The following NBEA variants were observed in gnomAD, a reference collection of about 807,000 sequenced individuals.
The protein encoded by NBEA is neurobeachin, also known as lysosomal-trafficking regulator 2.
NBEA carries 44 observed loss-of-function variants against 343.4 expected under a neutral mutation model. That is an observed-to-expected ratio of 0.13 (90% CI 0.10 to 0.16). The LOEUF is 0.16. NBEA is among the 10% of genes least tolerant of loss of function. NBEA has a pLI of 1.00. For synonymous variants in NBEA, 1,175 were observed against 1,238.7 expected (o/e 0.95, Z 1.08); for missense variants, 2,555 against 3,631.3 (o/e 0.70, Z 7.62).
chr13:35,146,878 G>A (rs2068461539), intron 18 of NBEA, among the ~76,000 whole-genome samples: 1 of 152,086 alleles, frequency 6.6e-6, no homozygotes, highest in African/African-American at 2.4e-5. Flanking sequence ...AGGCATTTGG[G>A]ATCCCAAAGC....
intron 51 of NBEA, among the ~76,000 whole-genome samples, chr13:35,648,690 C>T (rs966671280): frequency 1.3e-5 from 2 of 152,128 alleles, no homozygotes; most frequent in Non-Finnish European, 2.9e-5. Context: ...TTATTTCCAG[C>T]CTCCCTACTT....
chr13:35,589,059 ATAT>A (rs1178072690), intron 46 of NBEA, among the ~76,000 whole-genome samples: 1 of 152,134 alleles, frequency 6.6e-6, no homozygotes, highest in African/African-American at 2.4e-5. Context: ...ACTGAATAAA[ATAT>A]TGTTGTTTAT....
In NBEA at chr13:34,986,561, C is replaced by T. The variant is rs531800147; in HGVS notation, c.294+43447C>T. 2.1e-4 allele frequency among the ~76,000 whole-genome samples: 32 copies of T among 150,896 alleles called. 1 individual carries two copies. The highest frequency in any genetic ancestry group is 3.4e-3 in the Middle Eastern group (1 of 294). On this transcript the variant is annotated intron_variant, in intron 1 of 58. Transcript: ENST00000379939. Reference sequence around the variant, plus strand: ...AGATGTCTATTAGGTCTGCTTGGTGCAGAGCTGAGTTCAAGTTCTGGATAT... The same window carrying T: ...AGATGTCTATTAGGTCTGCTTGGTGTAGAGCTGAGTTCAAGTTCTGGATAT...
At chr13:35,330,198 C>A (rs1375920337) in intron 36 of NBEA, among the ~76,000 whole-genome samples, 1 of 151,950 alleles carries the variant, frequency 6.6e-6, no homozygotes, top group Non-Finnish European at 1.5e-5. Flanking sequence ...GCTAATTGTG[C>A]TTAACTAATA....
chr13:35,128,917 T>A (rs1184179625), intron 17 of NBEA, among the ~76,000 whole-genome samples: 1 of 151,930 alleles, frequency 6.6e-6, no homozygotes, highest in African/African-American at 2.4e-5. Context: ...TCTGAAAGCA[T>A]GGATGAAAAA....
intron 33 of NBEA, among the ~76,000 whole-genome samples, chr13:35,218,317 C>A (rs867249185): frequency 1.3e-5 from 2 of 151,898 alleles, no homozygotes; most frequent in South Asian, 4.1e-4. Flanking sequence ...AATTTTAATT[C>A]TTTTAATTGT....
intron 41 of NBEA, among the ~76,000 whole-genome samples, chr13:35,482,809 G>C (rs981536283): frequency 4.0e-5 from 6 of 151,626 alleles, no homozygotes; most frequent in African/African-American, 1.5e-4. Context: ...TATGAATTCT[G>C]ACAAATATAT....
At chr13:35,297,737 A>G (rs970158694) in intron 35 of NBEA, among the ~76,000 whole-genome samples, 2 of 152,000 alleles carry the variant, frequency 1.3e-5, no homozygotes, top group East Asian at 3.9e-4. Flanking sequence ...ATAAATATCC[A>G]GCATATAGTA....
chr13:35,519,798 T>G (rs1000283239), intron 41 of NBEA, among the ~76,000 whole-genome samples: 2 of 152,230 alleles, frequency 1.3e-5, no homozygotes, highest in African/African-American at 2.4e-5. Flanking sequence ...ATATTCTACC[T>G]ATTTTGAAAT....
chr13:35,441,161 C>A (rs1486343319), intron 39 of NBEA, among the ~76,000 whole-genome samples: 3 of 152,140 alleles, frequency 2.0e-5, no homozygotes, highest in Admixed American at 1.3e-4. Context: ...ATCTCCTACC[C>A]CCATTTTCCA....
At chr13:35,363,432 C>A (rs766401834) in intron 38 of NBEA, among the ~76,000 whole-genome samples, 2 of 151,756 alleles carry the variant, frequency 1.3e-5, no homozygotes, top group Non-Finnish European at 2.9e-5. Flanking sequence ...CTTTTATGAC[C>A]CCTTTCTTAT....
chr13:35,336,885 A>C (rs1013849034), intron 36 of NBEA, among the ~76,000 whole-genome samples: 6 of 152,054 alleles, frequency 3.9e-5, no homozygotes, highest in African/African-American at 1.4e-4. Context: ...AGGTGGGATA[A>C]AGGAGAGGAT....
At chr13:35,298,457 G>GATC (rs1161112145) in intron 35 of NBEA, among the ~76,000 whole-genome samples, 15 of 151,190 alleles carry the variant, frequency 9.9e-5, no homozygotes, top group Non-Finnish European at 1.8e-4. Flanking sequence ...GATCATTTGT[G>GATC]AATAAAATAT....
intron 34 of NBEA, among the ~76,000 whole-genome samples, chr13:35,241,852 A>G (rs2030348067): frequency 6.6e-6 from 1 of 151,928 alleles, no homozygotes; most frequent in African/African-American, 2.4e-5. Flanking sequence ...TCCTCAACAC[A>G]GTGCAGCATA....
chr13:35,663,898 A>G (rs75524677), intron 55 of NBEA, among the ~76,000 whole-genome samples: 9,461 of 152,294 alleles, frequency 0.062, 315 homozygotes, highest in South Asian at 0.1. Flanking sequence ...AGATGCCTCA[A>G]AAACAAAATT....
At chr13:35,328,352 C>T (rs929737439) in intron 36 of NBEA, among the ~76,000 whole-genome samples, 18 of 150,718 alleles carry the variant, frequency 1.2e-4, no homozygotes, top group African/African-American at 4.1e-4. Context: ...CATATTTCTG[C>T]CAAAAAAATA....
chr13:35,379,911 T>C (rs565797498), intron 38 of NBEA, among the ~76,000 whole-genome samples: 1 of 152,264 alleles, frequency 6.6e-6, no homozygotes, highest in Non-Finnish European at 1.5e-5. Flanking sequence ...GTGTAAGCCC[T>C]TTAGCTTTGT....
chr13:35,340,579 G>A (rs1333333749), intron 36 of NBEA, among the ~76,000 whole-genome samples: 5 of 151,908 alleles, frequency 3.3e-5, no homozygotes, highest in East Asian at 1.9e-4. Context: ...AATGTGTTTA[G>A]TACCACTTAA....
chr13:35,484,270 GTGTGTATATA>G (rs1316788329), intron 41 of NBEA, among the ~76,000 whole-genome samples: 132 of 121,994 alleles, frequency 1.1e-3, no homozygotes, highest in African/African-American at 2.9e-3. Context: ...GTGTGTGTGT[GTGTGTATATA>G]TATATATATA....
Sources: allele counts gnomAD v4.1 joint callset (sites outside exome capture counted in the v4.1 genomes callset), GRCh38; gene constraint gnomAD v4.1.1; transcripts MANE v1.5; gene names NCBI Gene and HGNC (gene_info 2026-07-23, HGNC 2026-07-21).